Variants in CHPT1 observed in about 807,000 individuals in gnomAD.
CHPT1 encodes cholinephosphotransferase 1.
In CHPT1, 36 loss-of-function variants were observed where a neutral mutation model predicts 47.6. That is an observed-to-expected ratio of 0.76 (90% CI 0.58 to 1.00). The LOEUF (loss-of-function observed/expected upper bound fraction) is 1.00, where lower values mean the gene tolerates loss of function less well. Among genes scored for constraint, CHPT1 ranks in the 50% least tolerant of loss-of-function variants. CHPT1 has a pLI of 0.00. For synonymous variants in CHPT1, 194 were observed against 186.3 expected (o/e 1.04, Z -0.33); for missense variants, 458 against 498.1 (o/e 0.92, Z 0.77).
intron 1 of CHPT1, among the ~76,000 whole-genome samples, chr12:101,700,339 A>C (rs374393956): frequency 7.2e-6 from 1 of 138,950 alleles, no homozygotes; most frequent in Non-Finnish European, 1.6e-5. Flanking sequence ...AAAAAAAAAA[A>C]GGGTGGAGGG....
intron 1 of CHPT1, among the ~76,000 whole-genome samples, chr12:101,701,692 G>C (rs953326400): frequency 6.6e-6 from 1 of 152,154 alleles, no homozygotes; most frequent in African/African-American, 2.4e-5. Flanking sequence ...AGTTCAGACA[G>C]CAATTGCTCG....
chr12:101,713,379 C>T (rs1000976843), intron 1 of CHPT1, among the ~76,000 whole-genome samples: 1 of 152,228 alleles, frequency 6.6e-6, no homozygotes, highest in Non-Finnish European at 1.5e-5. Context: ...GCTCCTCTCT[C>T]TGTGCAGCTC....
chr12:101,720,827 C>T (rs987030042), intron 5 of CHPT1, among the ~76,000 whole-genome samples: 3 of 152,052 alleles, frequency 2.0e-5, no homozygotes, highest in Non-Finnish European at 2.9e-5. Flanking sequence ...TTTAAAACTT[C>T]AGTACTTTTA....
chr12:101,706,071 G>T (rs896619094), intron 1 of CHPT1, among the ~76,000 whole-genome samples: 10 of 151,996 alleles, frequency 6.6e-5, no homozygotes, highest in African/African-American at 2.4e-4. Context: ...AGAATACGTG[G>T]CTGGGTGCGG....
intron 1 of CHPT1, among the ~76,000 whole-genome samples, chr12:101,703,890 T>A (rs1951591029): frequency 6.6e-6 from 1 of 152,020 alleles, no homozygotes; most frequent in South Asian, 2.1e-4. Context: ...TCTCTTGTGA[T>A]CCCTGGAATA....
intron 1 of CHPT1, among the ~76,000 whole-genome samples, chr12:101,698,771 C>G (rs1951504283): frequency 6.6e-6 from 1 of 152,100 alleles, no homozygotes; most frequent in Non-Finnish European, 1.5e-5. Flanking sequence ...ATTTTATTAG[C>G]AATAATTACA....
chr12:101,726,606 C>G (rs1951949748), intron 8 of CHPT1: 1 of 655,718 alleles, frequency 1.5e-6, no homozygotes, highest in African/African-American at 1.8e-5. Context: ...CATTTTTTAT[C>G]ACAGATGTTC....
At chr12:101,720,401 A>G in intron 5 of CHPT1, 147 bp downstream of exon 5, 1 of 706,674 alleles carries the variant, frequency 1.4e-6, no homozygotes, top group African/African-American at 1.9e-5. Context: ...ATAGTACAAA[A>G]GCATTTTAAA....
intron 4 of CHPT1, among the ~76,000 whole-genome samples, chr12:101,718,798 T>C (rs2137021527): frequency 6.6e-6 from 1 of 152,146 alleles, no homozygotes; most frequent in East Asian, 1.9e-4. Context: ...TACATTCATA[T>C]TCCCTCTCAT....
chr12:101,713,719 A>C (rs1000950689), intron 1 of CHPT1, among the ~76,000 whole-genome samples: 1 of 146,310 alleles, frequency 6.8e-6, no homozygotes, highest in Non-Finnish European at 1.5e-5. Context: ...TGTGAATGGA[A>C]GCAGAGGTTG....
At chr12:101,709,782 A>G (rs1394255223) in intron 1 of CHPT1, among the ~76,000 whole-genome samples, 1 of 148,542 alleles carries the variant, frequency 6.7e-6, no homozygotes, top group African/African-American at 2.4e-5. Flanking sequence ...TGAGGGGGAA[A>G]GTGCTTATCA....
At chr12:101,708,582 A>C (rs1195210361) in intron 1 of CHPT1, among the ~76,000 whole-genome samples, 2 of 152,156 alleles carry the variant, frequency 1.3e-5, no homozygotes, top group Non-Finnish European at 2.9e-5. Flanking sequence ...TATTATGAAA[A>C]CTATATAATT....
intron 5 of CHPT1, among the ~76,000 whole-genome samples, chr12:101,722,920 AG>A: frequency 6.6e-6 from 1 of 152,286 alleles, no homozygotes; most frequent in African/African-American, 2.4e-5. Flanking sequence ...ATTAATTTTT[AG>A]CCAGTTTAAA....
chr12:101,697,860 C>T lies in CHPT1; in HGVS notation c.-2C>T. ...TGGCGGCGGCGGGGCCCTCAGGCGG[C>T]CATGGCGGCAGGCGCCGGGGCCGGG... On this transcript the variant is annotated 5_prime_UTR_variant, in exon 1 of 9. Transcript: ENST00000229266. 8.7e-7 allele frequency: 1 copy of T among 1,154,800 alleles called. No homozygotes were observed. Among genetic ancestry groups the T allele is most frequent in the East Asian group, 3.9e-5 (1 of 25,366 alleles). 71.5% of individuals were successfully genotyped at this position (1,154,800 alleles called of 1,614,324 possible). A position where few individuals can be genotyped will look rare whatever the true frequency, so the allele number is the denominator to read the frequency against.
At chr12:101,699,470 C>A (rs903308946) in intron 1 of CHPT1, among the ~76,000 whole-genome samples, 1 of 150,480 alleles carries the variant, frequency 6.6e-6, no homozygotes, top group African/African-American at 2.4e-5. Flanking sequence ...TCACTGCAAC[C>A]TCTGCCTCCT....
At chr12:101,723,114 T>C (rs946708751) in intron 5 of CHPT1, 54 bp from the exon 6 acceptor site, 5 of 1,489,220 alleles carry the variant, frequency 3.4e-6, no homozygotes, top group Non-Finnish European at 4.7e-6. Flanking sequence ...AATGTCTACA[T>C]TGTAATAAAT....
rs927585571 is a variant in CHPT1, at chr12:101,705,069, A to G, written c.273+6935A>G. Among the ~76,000 whole-genome samples the G allele has an allele frequency of 2.8e-5, 3 of 108,102 alleles. 1 individual carries two copies. Among genetic ancestry groups the G allele is most frequent in the Non-Finnish European group, 5.2e-5 (3 of 57,614 alleles). 70.9% of individuals were successfully genotyped at this position (108,102 alleles called of 152,430 possible). On this transcript the variant is annotated intron_variant, in intron 1 of 8. Transcript: ENST00000229266. ...TCTGCAAGAAAAACCTGGGGCATGT[A>G]TTCTTCCCATTGCTTTTTTGTTTTG... is the stretch of plus-strand genomic sequence containing the variant.
chr12:101,700,870 C>T (rs1005024976), intron 1 of CHPT1, among the ~76,000 whole-genome samples: 4 of 152,118 alleles, frequency 2.6e-5, no homozygotes, highest in Non-Finnish European at 4.4e-5. Context: ...TTTCAACTGG[C>T]TTGGGACTTG....
intron 1 of CHPT1, among the ~76,000 whole-genome samples, chr12:101,702,592 T>C (rs1294481256): frequency 3.9e-5 from 6 of 152,180 alleles, no homozygotes; most frequent in Admixed American, 3.9e-4. Flanking sequence ...TAGAGTTATT[T>C]TGGGGGGAAT....
Sources: gnomAD v4.1 joint callset for allele counts (sites outside exome capture counted in the v4.1 genomes callset) on GRCh38, gnomAD v4.1.1 for gene constraint, MANE v1.5 for transcripts, NCBI Gene and HGNC (gene_info 2026-07-23, HGNC 2026-07-21) for gene names.